PIK3R2: variants seen among roughly 807,000 people sequenced by gnomAD.
PIK3R2 encodes phosphoinositide-3-kinase regulatory subunit 2, also known as phosphatidylinositol 3-kinase regulatory subunit beta.
A neutral mutation model predicts 78.5 loss-of-function variants in PIK3R2; 40 were observed. The observed-to-expected ratio is 0.51, with a 90% CI of 0.40 to 0.66. PIK3R2 has a LOEUF of 0.66. PIK3R2 is among the 30% of genes least tolerant of loss of function. PIK3R2 has a pLI of 0.00. For synonymous variants in PIK3R2, 473 were observed against 457.7 expected, an observed-to-expected ratio of 1.03 and a Z score of -0.43; for missense variants, 880 against 1,026.6, an observed-to-expected ratio of 0.86 and a Z score of 1.95.
At position 18,155,858 on chromosome 19, in the gene PIK3R2, AC is replaced by A. The variant is rs1377079137; in HGVS notation, c.-18del. 10 of 1,527,262 alleles carry A rather than the reference AC, an allele frequency of 6.5e-6. No homozygotes were observed. Among genetic ancestry groups the A allele is most frequent in the Non-Finnish European group, 8.8e-6 (10 of 1,135,534 alleles). 94.6% of individuals were successfully genotyped at this position (1,527,262 alleles called of 1,614,324 possible). ...TCCAAGCAGCCACCTAACCATCCAG[AC>A]CCCACCCCACTCACGCGGCCATGGC... On this transcript the variant is annotated 5_prime_UTR_variant, in exon 2 of 16. Transcript: ENST00000222254.
At position 18,160,374 on chromosome 19, in the gene PIK3R2, C is replaced by T. The variant is rs1051474287; in HGVS notation, c.323-97C>T. 7 of 785,554 alleles carry T rather than the reference C, an allele frequency of 8.9e-6. No homozygotes were observed. The African/African-American group carries it at 1.0e-4, about 12-fold the overall frequency. The allele number at this position is 785,554 out of a possible 1,614,324, so 48.7% of individuals were successfully genotyped here. ...AGCACTTGCCTGAGCTGGGCCCTGCCTCAAACTGCCCCAGCTGAGGTTCAG... is the reference window on the plus strand; with the variant it reads ...AGCACTTGCCTGAGCTGGGCCCTGCTTCAAACTGCCCCAGCTGAGGTTCAG... On this transcript the variant is annotated intron_variant, in intron 2 of 15. Coordinates refer to ENST00000222254, the MANE Select transcript of PIK3R2 (RefSeq NM_005027.4).
chr19:18,165,237 C>T (rs1265505748), intron 11 of PIK3R2, among the ~76,000 whole-genome samples: 1 of 151,554 alleles, frequency 6.6e-6, no homozygotes, highest in Non-Finnish European at 1.5e-5. Context: ...TCATGGCATG[C>T]ACCTGTAATC....
In PIK3R2 at chr19:18,161,131, C is replaced by T. The variant is rs752389430; in HGVS notation, c.544C>T (p.Pro182Ser). 6.4e-7 allele frequency: 1 copy of T among 1,564,376 alleles called. No individual in the cohort carries two copies. Among genetic ancestry groups the T allele is most frequent in the Non-Finnish European group, 8.7e-7 (1 of 1,155,314 alleles). ...DGIKSFLLAL[P>S]APLVTPEASA... ...CATTAAGAGCTTCCTGCTGGCACTGCCCGCGCCGCTCGTGACCCCCGAGGC... is the reference window on the plus strand; with the variant it reads ...CATTAAGAGCTTCCTGCTGGCACTGTCCGCGCCGCTCGTGACCCCCGAGGC... Residue 182 changes from proline (P) to serine (S), a missense_variant, in exon 5 of 16, where the codon CCC becomes TCC. Pro to Ser is a moderately conservative substitution (Grantham distance 74, BLOSUM62 -1). This residue lies in a region of PIK3R2 where 456 missense variants were observed against 486.6 expected (regional missense o/e 0.94). Coordinates refer to ENST00000222254, the MANE Select transcript of PIK3R2 (RefSeq NM_005027.4). This position sits in a 1 kb window ranked among gnomAD's most constrained non-coding sequence, Gnocchi z 5.3.
chr19:18,160,055 AG>A (rs2043724970), intron 2 of PIK3R2, among the ~76,000 whole-genome samples: 1 of 152,028 alleles, frequency 6.6e-6, no homozygotes, highest in Non-Finnish European at 1.5e-5. Context: ...TCTTGTTACA[AG>A]GACATCAGCC....
chr19:18,153,895 T>C (rs1408083202), intron 1 of PIK3R2, among the ~76,000 whole-genome samples: 3 of 152,100 alleles, frequency 2.0e-5, no homozygotes, highest in African/African-American at 7.2e-5. Context: ...TTTCCCCACC[T>C]GTAGAATGAG....
Position 18,155,961 on chromosome 19 carries a change from G to T in PIK3R2, c.82G>T (p.Gly28Cys). ...GCCGGAGGACCTGGAGCTGCTGCCC[G>T]GCGACGTGCTGGTAGTGAGCCGGGC... ...ERPEDLELLP[G>C]DVLVVSRAAL... The change falls in exon 2 of 16, where the codon GGC becomes TGC. Residue 28 changes from glycine (G) to cysteine (C), a missense_variant. By Grantham distance (159) the Gly-to-Cys change is radical. Coordinates refer to ENST00000222254, the MANE Select transcript of PIK3R2 (RefSeq NM_005027.4). The T allele has an allele frequency of 6.4e-7, 1 of 1,567,790 alleles. No individual in the cohort carries two copies. The highest frequency in any genetic ancestry group is 8.6e-7 in the Non-Finnish European group (1 of 1,156,738).
rs1009360950 is a variant in PIK3R2, at chr19:18,160,345, G to A, written c.323-126G>A. The A allele has an allele frequency of 5.7e-5, 38 of 672,040 alleles. No individual in the cohort carries two copies. The Admixed American group carries it at 5.9e-4, about 10-fold the overall frequency. The allele number at this position is 672,040 out of a possible 1,614,324, so 41.6% of individuals were successfully genotyped here. A position where few individuals can be genotyped will look rare whatever the true frequency, so the allele number is the denominator to read the frequency against. On this transcript the variant is annotated intron_variant, in intron 2 of 15. Transcript: ENST00000222254. ...GCCTCCTGCGGATGGGAGTCAAGGT[G>A]CCAAGCACTTGCCTGAGCTGGGCCC...
Position 18,167,200 on chromosome 19 carries a change from C to G in PIK3R2, c.1630C>G (p.Gln544Glu). 1 of 1,611,706 alleles carries G rather than the reference C, an allele frequency of 6.2e-7. No homozygotes were observed. Among genetic ancestry groups the G allele is most frequent in the Non-Finnish European group, 8.5e-7 (1 of 1,179,068 alleles). ...CCATGAGAGCCGCACGAAGCTGGAG[C>G]AGCAGCTGCGGGCCCAGGCCTCGGA... Reference protein sequence around the residue: ...EIHESRTKLEQQLRAQASDNR... With the variant: ...EIHESRTKLEEQLRAQASDNR... The change falls in exon 13 of 16, where the codon CAG (glutamine) becomes GAG (glutamate). Residue 544 changes from glutamine to glutamate, a missense_variant. By Grantham distance (29) the Gln-to-Glu change is conservative. Coordinates refer to ENST00000222254, the MANE Select transcript of PIK3R2 (RefSeq NM_005027.4). The surrounding 1 kb of genome is among the most constrained non-coding windows in gnomAD (Gnocchi z 4.5).
intron 1 of PIK3R2, among the ~76,000 whole-genome samples, chr19:18,154,308 GCCTCCCCT>G (rs1273321761): frequency 6.6e-6 from 1 of 152,040 alleles, no homozygotes; most frequent in African/African-American, 2.4e-5. Context: ...GCTGCCGGCA[GCCTCCCCT>G]CCTCCTCAGC....
At chr19:18,159,164 A>ATTTTTTTTTTTTTT (rs2043714125) in intron 2 of PIK3R2, among the ~76,000 whole-genome samples, 1 of 9,368 alleles carries the variant, frequency 1.1e-4, no homozygotes, top group African/African-American at 2.5e-4. Flanking sequence ...TTTTTTTTTT[A>ATTTTTTTTTTTTTT]AATTATTTAA....
chr19:18,156,823 C>T lies in PIK3R2; in HGVS notation c.322+622C>T, dbSNP rs1221036463. ...CTTCAAAGACCCTTGGCCATCACCA[C>T]TTGCCAGGGGTGTGCCAGGTGTAGA... On this transcript the variant is annotated intron_variant, in intron 2 of 15. Coordinates refer to ENST00000222254, the MANE Select transcript of PIK3R2 (RefSeq NM_005027.4). The surrounding 1 kb of genome is among the most constrained non-coding windows in gnomAD (Gnocchi z 4.2). Among the ~76,000 whole-genome samples, 6 of 152,184 alleles carry T rather than the reference C, an allele frequency of 3.9e-5. No homozygotes were observed. Among genetic ancestry groups the T allele is most frequent in the Admixed American group, 3.3e-4 (5 of 15,268 alleles).
chr19:18,154,985 G>A (rs1057456518), intron 1 of PIK3R2, among the ~76,000 whole-genome samples: 10 of 151,710 alleles, frequency 6.6e-5, no homozygotes, highest in East Asian at 3.9e-4. Flanking sequence ...AGGCCAAGGC[G>A]AGCAGATCAC....
In PIK3R2 at chr19:18,167,333, C is replaced by G. The variant is rs757114496; in HGVS notation, c.1736+27C>G. 6.6e-7 allele frequency: 1 copy of G among 1,523,290 alleles called. No homozygotes were observed. Among genetic ancestry groups the G allele is most frequent in the Non-Finnish European group, 8.8e-7 (1 of 1,130,496 alleles). 94.4% of individuals were successfully genotyped at this position (1,523,290 alleles called of 1,614,324 possible). A position where few individuals can be genotyped will look rare whatever the true frequency, so the allele number is the denominator to read the frequency against. ...TAAGTGGCGGCTCCATACTTCCCTG[C>G]GGCTCCCTGGCGACTGCTGCGGCAC... On this transcript the variant is annotated intron_variant, in intron 13 of 15. Coordinates refer to ENST00000222254, the MANE Select transcript of PIK3R2 (RefSeq NM_005027.4). This position sits in a 1 kb window ranked among gnomAD's most constrained non-coding sequence, Gnocchi z 4.5.
In PIK3R2 at chr19:18,166,311, G is replaced by A. The variant is rs779526449; in HGVS notation, c.1559+9G>A. 9.3e-6 allele frequency: 15 copies of A among 1,612,374 alleles called. No individual in the cohort carries two copies. Among genetic ancestry groups the A allele is most frequent in the Non-Finnish European group, 1.3e-5 (15 of 1,178,718 alleles). On this transcript the variant is annotated intron_variant, in intron 12 of 15. Transcript: ENST00000222254. ...GAGAAAGAGATGCAAAGGTGAGTCT[G>A]GCGCCTCTGCCCTGCCCCACCCCAC...
rs967542336 is a variant in PIK3R2, at chr19:18,155,755, G to A, written c.-125G>A. ...GCCCCTGTGGTCGCCTGTGACTGCT[G>A]GAGATAGAGGTCCCAGCACCCCAAG... On this transcript the variant is annotated 5_prime_UTR_variant, in exon 2 of 16. Transcript: ENST00000222254. 20 of 774,082 alleles carry A rather than the reference G, an allele frequency of 2.6e-5. No individual in the cohort carries two copies. Among genetic ancestry groups the A allele is most frequent in the Middle Eastern group, 2.5e-4 (1 of 4,076 alleles). The allele number at this position is 774,082 out of a possible 1,614,324, so 48.0% of individuals were successfully genotyped here. A position where few individuals can be genotyped will look rare whatever the true frequency, so the allele number is the denominator to read the frequency against.
Position 18,155,883 on chromosome 19 carries a change from G to A in PIK3R2, c.4G>A (p.Ala2Thr). The change falls in exon 2 of 16, where the codon GCG becomes ACG. Residue 2 changes from alanine to threonine, a missense_variant. By Grantham distance (58) the Ala-to-Thr change is moderately conservative. Coordinates refer to ENST00000222254, the MANE Select transcript of PIK3R2 (RefSeq NM_005027.4). M[A>T]GPEGFQYRAL... is the part of the protein sequence containing the mutation. ...ACCCCACCCCACTCACGCGGCCATGGCGGGCCCTGAGGGCTTCCAGTACCG... is the reference window on the plus strand; with the variant it reads ...ACCCCACCCCACTCACGCGGCCATGACGGGCCCTGAGGGCTTCCAGTACCG... 1 of 1,546,250 alleles carries A rather than the reference G, an allele frequency of 6.5e-7. No individual in the cohort carries two copies. The highest frequency in any genetic ancestry group is 8.7e-7 in the Non-Finnish European group (1 of 1,145,432).
At chr19:18,166,946 G>A (rs2043815904) in intron 12 of PIK3R2, among the ~76,000 whole-genome samples, 184 bp from the exon 13 acceptor site, 1 of 151,848 alleles carries the variant, frequency 6.6e-6, no homozygotes, top group Non-Finnish European at 1.5e-5. Context: ...ACCAGCCTGG[G>A]CAACATGGCA....
At chr19:18,166,052 A>G in intron 11 of PIK3R2, 108 bp from the exon 12 acceptor site, 1 of 1,378,746 alleles carries the variant, frequency 7.3e-7, no homozygotes, top group Non-Finnish European at 1.0e-6. Context: ...ACTCTGATAG[A>G]GGGACCAGCT....
chr19:18,159,844 C>A (rs960519335), intron 2 of PIK3R2, among the ~76,000 whole-genome samples: 1 of 152,092 alleles, frequency 6.6e-6, no homozygotes, highest in African/African-American at 2.4e-5. Flanking sequence ...CGGGTTCAAG[C>A]GATTCTCCTG....
Sources: gnomAD v4.1 joint callset for allele counts (sites outside exome capture counted in the v4.1 genomes callset) on GRCh38, gnomAD v4.1.1 for gene constraint, gnomAD v4.1.1 regional missense constraint, Gnocchi (gnomAD v3.1) non-coding constraint, MANE v1.5 for transcripts, NCBI Gene and HGNC (gene_info 2026-07-23, HGNC 2026-07-21) for gene names.